The following CDH18 variants were observed in gnomAD, a reference collection of about 807,000 sequenced individuals.
CDH18 encodes cadherin 18.
CDH18 carries 31 observed loss-of-function variants against 67.9 expected under a neutral mutation model. That is an observed-to-expected ratio of 0.46 (90% CI 0.34 to 0.62). The LOEUF (loss-of-function observed/expected upper bound fraction) is 0.62, where lower values mean the gene tolerates loss of function less well. Ranked by LOEUF, CDH18 falls within the 20% of genes least tolerant of loss-of-function variation. The pLI, the probability that CDH18 is intolerant of heterozygous loss-of-function variation, is 0.01. For missense variants in CDH18, 890 were observed against 975.5 expected, an observed-to-expected ratio of 0.91 and a Z score of 1.17; for synonymous variants, 362 against 347.2, an observed-to-expected ratio of 1.04 and a Z score of -0.48.
intron 3 of CDH18, among the ~76,000 whole-genome samples, chr5:19,762,559 C>T (rs1169709781): frequency 1.3e-5 from 2 of 152,060 alleles, no homozygotes; most frequent in Non-Finnish European, 2.9e-5. Flanking sequence ...ATACCACTCA[C>T]ACCAGTTAGA....
chr5:20,172,204 A>ATATATATACATG (rs1736803831), intron 2 of CDH18, among the ~76,000 whole-genome samples: 1 of 60,314 alleles, frequency 1.7e-5, no homozygotes, highest in African/African-American at 8.1e-5. Context: ...ATATATATAT[A>ATATATATACATG]TATATATATA....
chr5:19,588,159 T>C (rs1219019932), intron 7 of CDH18, among the ~76,000 whole-genome samples: 1 of 152,152 alleles, frequency 6.6e-6, no homozygotes, highest in Non-Finnish European at 1.5e-5. Flanking sequence ...TTTGCTGAAG[T>C]TGCTTATCAG....
chr5:19,974,805 G>A (rs1333870844), intron 2 of CDH18, among the ~76,000 whole-genome samples: 1 of 152,098 alleles, frequency 6.6e-6, no homozygotes, highest in Non-Finnish European at 1.5e-5. Flanking sequence ...AATGTGATAT[G>A]AGCCCATCAG....
intron 1 of CDH18, among the ~76,000 whole-genome samples, chr5:20,427,573 T>C (rs1337039291): frequency 1.3e-5 from 2 of 151,260 alleles, no homozygotes; most frequent in Admixed American, 6.6e-5. Context: ...TTTCTGCTTA[T>C]ACTTGGTGAA....
chr5:19,916,972 T>C (rs1791866145), intron 2 of CDH18, among the ~76,000 whole-genome samples: 1 of 152,168 alleles, frequency 6.6e-6, no homozygotes, highest in Non-Finnish European at 1.5e-5. Context: ...TCCATTAAAA[T>C]GATGACACAT....
intron 2 of CDH18, among the ~76,000 whole-genome samples, chr5:20,155,006 T>C (rs888017211): frequency 6.6e-6 from 1 of 152,166 alleles, no homozygotes; most frequent in Non-Finnish European, 1.5e-5. Context: ...TTCAGGTTTC[T>C]TTTCAAAGGC....
intron 3 of CDH18, among the ~76,000 whole-genome samples, chr5:19,761,776 A>G (rs1772384854): frequency 6.6e-6 from 1 of 152,204 alleles, no homozygotes; most frequent in Admixed American, 6.5e-5. Flanking sequence ...AAGAGCCCAC[A>G]TTGCCAAGAG....
intron 5 of CDH18, among the ~76,000 whole-genome samples, chr5:19,716,061 C>T (rs1765303610): frequency 6.6e-6 from 1 of 152,000 alleles, no homozygotes; most frequent in Non-Finnish European, 1.5e-5. Context: ...TGACGTGATC[C>T]GTCCACCTGG....
chr5:20,419,465 T>TTTG, intron 1 of CDH18, among the ~76,000 whole-genome samples: 1 of 18,132 alleles, frequency 5.5e-5, no homozygotes, highest in East Asian at 1.3e-3. Context: ...GGACTCTGTT[T>TTTG]TTTTTTTTTT....
intron 2 of CDH18, among the ~76,000 whole-genome samples, chr5:19,853,792 A>C (rs1172135588): frequency 6.6e-6 from 1 of 152,094 alleles, no homozygotes; most frequent in Non-Finnish European, 1.5e-5. Context: ...CAAACACAGC[A>C]GCTTCACTGA....
At chr5:19,667,720 C>T (rs970467210) in intron 5 of CDH18, among the ~76,000 whole-genome samples, 10 of 151,518 alleles carry the variant, frequency 6.6e-5, no homozygotes, top group African/African-American at 1.7e-4. Context: ...AAATATTCTG[C>T]TTTACAAAGT....
At chr5:20,261,849 A>G (rs1265176785) in intron 1 of CDH18, among the ~76,000 whole-genome samples, 1 of 152,210 alleles carries the variant, frequency 6.6e-6, no homozygotes, top group African/African-American at 2.4e-5. Flanking sequence ...CATCAGCAAT[A>G]CAACTCCACT....
At chr5:19,561,901 TA>T (rs1349425889) in intron 8 of CDH18, among the ~76,000 whole-genome samples, 1 of 152,162 alleles carries the variant, frequency 6.6e-6, no homozygotes, top group East Asian at 1.9e-4. Context: ...AATAAACCAT[TA>T]ATCAATCTCA....
chr5:20,480,991 C>T (rs986616658), intron 1 of CDH18, among the ~76,000 whole-genome samples: 1 of 151,940 alleles, frequency 6.6e-6, no homozygotes, highest in East Asian at 1.9e-4. Context: ...GAAGCCTTCA[C>T]TTAATAATAG....
chr5:19,864,392 G>A (rs193111916), intron 2 of CDH18, among the ~76,000 whole-genome samples: 9 of 128,532 alleles, frequency 7.0e-5, no homozygotes, highest in African/African-American at 1.4e-4. Context: ...GTGGGGGGAG[G>A]GGGGAGGGAT....
chr5:20,250,589 CTTTTTTTTTTTTTTTTT>C (rs70954644), intron 2 of CDH18, among the ~76,000 whole-genome samples: 2 of 33,548 alleles, frequency 6.0e-5, no homozygotes, highest in Non-Finnish European at 4.8e-5. Context: ...CGGCCCATGG[CTTTTTTTTTTTTTTTTT>C]TTTTTTTTTT....
intron 3 of CDH18, among the ~76,000 whole-genome samples, chr5:19,778,302 T>C (rs565206924): frequency 1.3e-5 from 2 of 152,304 alleles, no homozygotes; most frequent in South Asian, 2.1e-4. Context: ...AACAAAGATA[T>C]CTGCTTTCAC....
chr5:19,985,923 A>T (rs1799518147), intron 1 of CDH18, among the ~76,000 whole-genome samples: 1 of 152,160 alleles, frequency 6.6e-6, no homozygotes, highest in Non-Finnish European at 1.5e-5. Context: ...GCATGTTTAG[A>T]GTCTGAAAGA....
At chr5:20,421,729 CAAATT>C (rs568655062) in intron 1 of CDH18, among the ~76,000 whole-genome samples, 2 of 150,530 alleles carry the variant, frequency 1.3e-5, no homozygotes, top group South Asian at 2.1e-4. Context: ...TTCATTAAAT[CAAATT>C]AAAGTTCAAG....
Sources: gnomAD v4.1 joint callset for allele counts (sites outside exome capture counted in the v4.1 genomes callset) on GRCh38, gnomAD v4.1.1 for gene constraint, MANE v1.5 for transcripts, NCBI Gene and HGNC (gene_info 2026-07-23, HGNC 2026-07-21) for gene names.